SLC34A2: variants seen among roughly 807,000 people sequenced by gnomAD.
SLC34A2 encodes sodium-dependent phosphate transport protein 2B.
In SLC34A2, 41 loss-of-function variants were observed where a neutral mutation model predicts 50.8. The observed-to-expected ratio is 0.81, with a 90% CI of 0.63 to 1.05. The LOEUF (loss-of-function observed/expected upper bound fraction) is 1.05. Among genes scored for constraint, SLC34A2 ranks in the 50% least tolerant of loss-of-function variants. The probability of loss-of-function intolerance (pLI) is 0.00; values close to 1 mark genes in which losing one functional copy is unlikely to be tolerated. For missense variants in SLC34A2, 879 were observed against 876.7 expected (o/e 1.00, Z -0.03); for synonymous variants, 401 against 364.2 (o/e 1.10, Z -1.15).
Position 25,667,983 on chromosome 4 carries a change from G to T in SLC34A2, c.627G>T (p.Glu209Asp). 1 of 1,608,144 alleles carries T rather than the reference G, an allele frequency of 6.2e-7. No individual in the cohort carries two copies. Among genetic ancestry groups the T allele is most frequent in the South Asian group, 1.1e-5 (1 of 90,902 alleles). ...VALMQVGDRS[E>D]FRRAFAGATV... is the part of the protein sequence containing the mutation. Reference sequence around the variant, plus strand: ...TCATGCAGGTGGGAGATCGGAGTGAGTTCAGAAGGTAAGAGGCTCAAAACC... The same window carrying T: ...TCATGCAGGTGGGAGATCGGAGTGATTTCAGAAGGTAAGAGGCTCAAAACC... The change falls in exon 6 of 13, where the codon GAG becomes GAT. Residue 209 changes from glutamate to aspartate, a missense_variant. Transcript: ENST00000382051.
chr4:25,662,871 G>A, intron 3 of SLC34A2, 29 bp downstream of exon 3: 3 of 1,613,152 alleles, frequency 1.9e-6, no homozygotes, highest in Non-Finnish European at 2.5e-6. Context: ...GAGACATTCA[G>A]GAGGGAAACT....
chr4:25,675,412 C>T (rs1359113619), intron 12 of SLC34A2, among the ~76,000 whole-genome samples: 1 of 152,228 alleles, frequency 6.6e-6, no homozygotes, highest in East Asian at 1.9e-4. Flanking sequence ...ATTCCCTCAT[C>T]TGAAAGATGG....
chr4:25,672,246 A>G (rs766668786), intron 9 of SLC34A2, among the ~76,000 whole-genome samples: 3 of 152,226 alleles, frequency 2.0e-5, no homozygotes, highest in Non-Finnish European at 4.4e-5. Flanking sequence ...ACTACACTCC[A>G]GCCTGGGCAA....
intron 1 of SLC34A2, among the ~76,000 whole-genome samples, chr4:25,656,115 A>G (rs1713867388): frequency 6.6e-6 from 1 of 152,180 alleles, no homozygotes; most frequent in South Asian, 2.1e-4. Flanking sequence ...TACGATCGAC[A>G]GTGTTATTAA....
intron 10 of SLC34A2, among the ~76,000 whole-genome samples, chr4:25,673,622 G>A (rs1039518525): frequency 6.6e-6 from 1 of 152,124 alleles, no homozygotes; most frequent in Non-Finnish European, 1.5e-5. Context: ...CTTCACTCTT[G>A]TAAAGGAAAT....
At chr4:25,676,070 C>T in intron 12 of SLC34A2, 65 bp from the exon 13 acceptor site, 1 of 1,599,382 alleles carries the variant, frequency 6.3e-7, no homozygotes, top group African/African-American at 1.3e-5. Flanking sequence ...CCTCCCCCTC[C>T]TCCTCCCTAC....
At chr4:25,670,407 C>T (rs1714751413) in intron 7 of SLC34A2, among the ~76,000 whole-genome samples, 1 of 152,114 alleles carries the variant, frequency 6.6e-6, no homozygotes, top group Admixed American at 6.5e-5. Context: ...ACTTTGTTCC[C>T]ACTGCTGTCC....
Position 25,662,833 on chromosome 4 carries a change from A to C in SLC34A2, c.241A>C (p.Lys81Gln), listed in dbSNP as rs1714281181. 6.2e-7 allele frequency: 1 copy of C among 1,613,990 alleles called. No homozygotes were observed. Among genetic ancestry groups the C allele is most frequent in the Non-Finnish European group, 8.5e-7 (1 of 1,180,018 alleles). Residue 81 changes from lysine to glutamine, a missense_variant, in exon 3 of 13, where the codon AAG becomes CAG. Physicochemically the swap from Lys to Gln is moderately conservative, Grantham distance 53. Transcript: ENST00000382051. Reference sequence around the variant, plus strand: ...ACCCACTCTTCAGGACTCGGGGATCAAGTGGTCAGGTAAAAGTGAGGCCAG... The same window carrying C: ...ACCCACTCTTCAGGACTCGGGGATCCAGTGGTCAGGTAAAAGTGAGGCCAG... ...NLPTLQDSGI[K>Q]WSERDTKGKI...
Position 25,676,310 on chromosome 4 carries a change from T to C in SLC34A2, c.1634T>C (p.Phe545Ser), listed in dbSNP as rs377166831. Reference sequence around the variant, plus strand: ...TTCTTCCTGATCCCGCTGACGGTGTTTGGCCTCTCGCTGGCCGGCTGGCGG... The same window carrying C: ...TTCTTCCTGATCCCGCTGACGGTGTCTGGCCTCTCGCTGGCCGGCTGGCGG... ...IFFFLIPLTV[F>S]GLSLAGWRVL... The change falls in exon 13 of 13, where the codon TTT (phenylalanine) becomes TCT (serine). Residue 545 changes from phenylalanine (F) to serine (S), a missense_variant. By Grantham distance (155) the Phe-to-Ser change is radical. Coordinates refer to ENST00000382051, the MANE Select transcript of SLC34A2 (RefSeq NM_006424.3). The C allele has an allele frequency of 6.8e-6, 11 of 1,614,088 alleles. No individual in the cohort carries two copies. The highest frequency in any genetic ancestry group is 9.3e-6 in the Non-Finnish European group (11 of 1,180,046).
At position 25,662,543 on chromosome 4, in the gene SLC34A2, G is replaced by T; in HGVS notation, c.43G>T (p.Asp15Tyr). 6.2e-7 allele frequency: 1 copy of T among 1,613,918 alleles called. No individual in the cohort carries two copies. The highest frequency in any genetic ancestry group is 1.1e-5 in the South Asian group (1 of 91,060). Reference sequence around the variant, plus strand: ...ATTGGGAGATGCCCAGCCCAACCCCGATAAGTACCTCGAAGGGGCCGCAGG... The same window carrying T: ...ATTGGGAGATGCCCAGCCCAACCCCTATAAGTACCTCGAAGGGGCCGCAGG... ...PELGDAQPNP[D>Y]KYLEGAAGQQ... Residue 15 changes from aspartate to tyrosine, a missense_variant, in exon 2 of 13, where the codon GAT becomes TAT. Coordinates refer to ENST00000382051, the MANE Select transcript of SLC34A2 (RefSeq NM_006424.3).
At chr4:25,674,271 G>A (rs1002736456) in intron 10 of SLC34A2, 25 bp from the exon 11 acceptor site, 4 of 1,592,666 alleles carry the variant, frequency 2.5e-6, no homozygotes, top group Non-Finnish European at 3.4e-6. Flanking sequence ...GAGAGGCCAT[G>A]ACATCTCTTC....
Position 25,672,402 on chromosome 4 carries a change from G to A in SLC34A2, c.1048+681G>A, listed in dbSNP as rs904197291. ...GGCCCCATTTCAGGGCACTGGGGCT[G>A]TAGCTCTTGAACGGGCAGTGAGCTT... On this transcript the variant is annotated intron_variant, in intron 9 of 12. Transcript: ENST00000382051. Among the ~76,000 whole-genome samples the A allele has an allele frequency of 2.0e-5, 3 of 152,202 alleles. No individual in the cohort carries two copies. The East Asian group carries it at 5.8e-4, about 29-fold the overall frequency.
In SLC34A2 at chr4:25,666,288, A is replaced by T; in HGVS notation, c.523+17A>T. ...CCTCTTCATGTGAGTCGGGGCACCC[A>T]TGAGCCCACCTGCATTCCAGACACT... On this transcript the variant is annotated intron_variant, in intron 5 of 12. Coordinates refer to ENST00000382051, the MANE Select transcript of SLC34A2 (RefSeq NM_006424.3). 1 of 1,613,214 alleles carries T rather than the reference A, an allele frequency of 6.2e-7. No homozygotes were observed.
chr4:25,666,252 C>T lies in SLC34A2; in HGVS notation c.504C>T (p.Val168=). 1 of 1,613,972 alleles carries T rather than the reference C, an allele frequency of 6.2e-7. No individual in the cohort carries two copies. The highest frequency in any genetic ancestry group is 8.5e-7 in the Non-Finnish European group (1 of 1,180,018). ...QSSSTSTSIV[V]SMVSSSLLTV... ...CCAGCACCTCAACGTCCATCGTTGT[C>T]AGCATGGTGTCCTCTTCATGTGAGT... Residue 168 remains valine, a synonymous_variant, in exon 5 of 13, where the codon GTC becomes GTT. Transcript: ENST00000382051.
At chr4:25,673,604 C>T (rs1434964870) in intron 10 of SLC34A2, among the ~76,000 whole-genome samples, 2 of 152,128 alleles carry the variant, frequency 1.3e-5, no homozygotes, top group Non-Finnish European at 2.9e-5. Context: ...GCCCTCGCCC[C>T]CACCTCCCTT....
In SLC34A2 at chr4:25,676,185, C is replaced by T. The variant is rs1226537652; in HGVS notation, c.1509C>T (p.Tyr503=). The T allele has an allele frequency of 8.7e-6, 14 of 1,614,074 alleles. No homozygotes were observed. Among genetic ancestry groups the T allele is most frequent in the Middle Eastern group, 1.6e-4 (1 of 6,084 alleles). The part of the protein sequence containing the change: ...FFNISGILLW[Y]PIPFTRLPIR... ...ACATCTCCGGCATCTTGCTGTGGTA[C>T]CCGATCCCGTTCACTCGCCTGCCCA... is the stretch of plus-strand genomic sequence containing the variant. The change falls in exon 13 of 13, where the codon TAC becomes TAT. Residue 503 remains tyrosine (Y), a synonymous_variant. Transcript: ENST00000382051.
chr4:25,669,133 T>G (rs1179180375), intron 6 of SLC34A2, among the ~76,000 whole-genome samples: 1 of 152,148 alleles, frequency 6.6e-6, no homozygotes, highest in East Asian at 1.9e-4. Context: ...TAAGTTAAAT[T>G]TTTTTATTGA....
In SLC34A2 at chr4:25,675,992, C is replaced by G. The variant is rs940230958; in HGVS notation, c.1459-143C>G. Reference sequence around the variant, plus strand: ...TCATGGAATCCAGGTACCCTCTGGGCTGAGCCATAAGGACAAAGAAGGCCT... The same window carrying G: ...TCATGGAATCCAGGTACCCTCTGGGGTGAGCCATAAGGACAAAGAAGGCCT... On this transcript the variant is annotated intron_variant, in intron 12 of 12. Coordinates refer to ENST00000382051, the MANE Select transcript of SLC34A2 (RefSeq NM_006424.3). 45 of 1,346,194 alleles carry G rather than the reference C, an allele frequency of 3.3e-5. No homozygotes were observed. The African/African-American group carries it at 5.6e-4, about 17-fold the overall frequency. 83.4% of individuals were successfully genotyped at this position (1,346,194 alleles called of 1,614,324 possible).
In SLC34A2 at chr4:25,673,084, C is replaced by T. The variant is rs945164408; in HGVS notation, c.1049-3C>T. 3 of 1,614,136 alleles carry T rather than the reference C, an allele frequency of 1.9e-6. No individual in the cohort carries two copies. On this transcript the variant is annotated splice_region_variant and splice_polypyrimidine_tract_variant and intron_variant, in intron 9 of 12. Coordinates refer to ENST00000382051, the MANE Select transcript of SLC34A2 (RefSeq NM_006424.3). Reference sequence around the variant, plus strand: ...CCTGACAAGATTCTTTGTGGTCTTTCAGGCCAGCATATCTTTGTGAATTTC... The same window carrying T: ...CCTGACAAGATTCTTTGTGGTCTTTTAGGCCAGCATATCTTTGTGAATTTC...
Sources: gnomAD v4.1 joint callset for allele counts (sites outside exome capture counted in the v4.1 genomes callset) on GRCh38, gnomAD v4.1.1 for gene constraint, MANE v1.5 for transcripts, NCBI Gene and HGNC (gene_info 2026-07-23, HGNC 2026-07-21) for gene names.